OPHN1: variants seen among roughly 807,000 people sequenced by gnomAD.
OPHN1 encodes oligophrenin 1, also known as oligophrenin-1.
OPHN1 carries 11 observed loss-of-function variants against 60.7 expected under a neutral mutation model. That is an observed-to-expected ratio of 0.18 (90% CI 0.11 to 0.30). The LOEUF (loss-of-function observed/expected upper bound fraction) is 0.30, where lower values mean the gene tolerates loss of function less well. Among genes scored for constraint, OPHN1 ranks in the 10% least tolerant of loss-of-function variants. OPHN1 has a pLI of 1.00. For synonymous variants in OPHN1, 226 were observed against 222.6 expected (o/e 1.02, Z -0.14); for missense variants, 449 against 611.0 (o/e 0.73, Z 2.80).
intron 19 of OPHN1, among the ~76,000 whole-genome samples, chrX:68,075,886 G>A (rs1051114633): frequency 9.2e-6 from 1 of 108,326 alleles, no homozygotes; most frequent in Non-Finnish European, 1.9e-5. Flanking sequence ...ATAAAATTTC[G>A]AGGAGAAAAA....
chrX:68,328,952 T>C (rs2078281669), intron 2 of OPHN1, among the ~76,000 whole-genome samples: 1 of 112,311 alleles, frequency 8.9e-6, no homozygotes, highest in Non-Finnish European at 1.9e-5. Flanking sequence ...AGTCTCGCTC[T>C]TGTTGCCCAG....
At chrX:68,220,350 G>T (rs2077647687) in intron 6 of OPHN1, among the ~76,000 whole-genome samples, 1 of 110,328 alleles carries the variant, frequency 9.1e-6, no homozygotes, top group Non-Finnish European at 1.9e-5. Context: ...TCTACCAGAG[G>T]TACAAGGAGG....
intron 19 of OPHN1, among the ~76,000 whole-genome samples, chrX:68,090,220 A>AC (rs2077011469): frequency 1.0e-5 from 1 of 95,782 alleles, no homozygotes; most frequent in African/African-American, 3.8e-5. Context: ...ACTGACGCCC[A>AC]CCCCCCACCA....
intron 15 of OPHN1, among the ~76,000 whole-genome samples, chrX:68,147,206 G>A (rs1392887206): frequency 9.0e-6 from 1 of 111,439 alleles, no homozygotes. Context: ...CTAACAGTAG[G>A]AATTAGAAAG....
chrX:68,070,621 T>C, intron 20 of OPHN1: 1 of 707,254 alleles, frequency 1.4e-6, no homozygotes, highest in Non-Finnish European at 2.3e-6. Context: ...TTATCCTCTG[T>C]GTTCCATTTG....
intron 2 of OPHN1, among the ~76,000 whole-genome samples, chrX:68,376,135 A>G (rs148132315): frequency 2.1e-3 from 233 of 111,513 alleles, no homozygotes; most frequent in African/African-American, 7.3e-3. Context: ...AATTATTTCA[A>G]GTCAGCAAGC....
At chrX:68,317,698 G>C (rs1338000576) in intron 2 of OPHN1, among the ~76,000 whole-genome samples, 1 of 103,403 alleles carries the variant, frequency 9.7e-6, no homozygotes, top group African/African-American at 3.5e-5. Context: ...AGAGAGGGAG[G>C]GAAAGAGAAA....
At chrX:68,242,962 G>C (rs899172580) in intron 5 of OPHN1, among the ~76,000 whole-genome samples, 2 of 111,032 alleles carry the variant, frequency 1.8e-5, no homozygotes, top group African/African-American at 6.6e-5. Context: ...TTGCCTCCTG[G>C]GTTCAAGTGA....
intron 5 of OPHN1, among the ~76,000 whole-genome samples, chrX:68,260,488 A>G (rs1048557038): frequency 1.8e-5 from 2 of 110,722 alleles, no homozygotes; most frequent in Non-Finnish European, 3.8e-5. Context: ...TAGTAGAAAG[A>G]GCACAGTCCC....
chrX:68,417,668 A>G (rs1402138198), intron 2 of OPHN1, among the ~76,000 whole-genome samples: 1 of 112,433 alleles, frequency 8.9e-6, no homozygotes, highest in Admixed American at 9.4e-5. Flanking sequence ...ATTAAACATC[A>G]CATTATTAAC....
chrX:68,360,325 G>A (rs1051823768), intron 2 of OPHN1, among the ~76,000 whole-genome samples: 7 of 110,047 alleles, frequency 6.4e-5, no homozygotes, highest in Admixed American at 4.9e-4. Flanking sequence ...CTACAGTGAC[G>A]CGGCACCAAA....
intron 19 of OPHN1, among the ~76,000 whole-genome samples, chrX:68,091,667 T>C (rs916252529): frequency 9.0e-6 from 1 of 111,377 alleles, no homozygotes; most frequent in African/African-American, 3.3e-5. Context: ...GTGAAATAGC[T>C]CTGTCCTCAA....
At chrX:68,350,071 C>T (rs910640721) in intron 2 of OPHN1, among the ~76,000 whole-genome samples, 1 of 110,845 alleles carries the variant, frequency 9.0e-6, no homozygotes, top group African/African-American at 3.3e-5. Flanking sequence ...TTAAAAAATA[C>T]AAAAAAATCT....
intron 3 of OPHN1, among the ~76,000 whole-genome samples, chrX:68,293,360 G>T (rs746607048): frequency 4.5e-5 from 5 of 112,036 alleles, no homozygotes; most frequent in African/African-American, 1.6e-4. Context: ...CAAAAATCAG[G>T]ATCAGGGGAC....
chrX:68,216,512 T>C (rs1484592832), intron 6 of OPHN1, among the ~76,000 whole-genome samples: 2 of 110,849 alleles, frequency 1.8e-5, no homozygotes, highest in African/African-American at 6.5e-5. Flanking sequence ...TACACAAAAA[T>C]GTTAGACCTG....
chrX:68,152,854 T>A (rs1192309478), intron 15 of OPHN1, among the ~76,000 whole-genome samples: 2 of 111,458 alleles, frequency 1.8e-5, no homozygotes, highest in Admixed American at 9.6e-5. Context: ...AATGTACATG[T>A]ATAGAGAGTA....
intron 9 of OPHN1, chrX:68,209,911 T>C (rs962691364): frequency 7.7e-6 from 3 of 387,643 alleles, no homozygotes; most frequent in African/African-American, 5.1e-5. Context: ...ATAATACCCA[T>C]TTTGAATCTC....
At chrX:68,227,473 C>A (rs192806127) in intron 6 of OPHN1, among the ~76,000 whole-genome samples, 131 of 111,245 alleles carry the variant, frequency 1.2e-3, no homozygotes, top group Middle Eastern at 9.2e-3. Flanking sequence ...AGCACCACAT[C>A]GCACTTATTA....
chrX:68,236,519 A>G (rs903908655), intron 5 of OPHN1, among the ~76,000 whole-genome samples: 1 of 111,934 alleles, frequency 8.9e-6, no homozygotes, highest in African/African-American at 3.2e-5. Flanking sequence ...CATCACCCCA[A>G]AAAGAAATCT....
Sources: gnomAD v4.1 joint callset for allele counts (sites outside exome capture counted in the v4.1 genomes callset) on GRCh38, gnomAD v4.1.1 for gene constraint, MANE v1.5 for transcripts, NCBI Gene and HGNC (gene_info 2026-07-23, HGNC 2026-07-21) for gene names.